LIPJ: variants seen among roughly 807,000 people sequenced by gnomAD.
LIPJ encodes the protein lipase member J.
Under a neutral mutation model 39.8 loss-of-function variants are expected in LIPJ, and 33 were observed. The observed-to-expected ratio is 0.83, with a 90% CI of 0.63 to 1.11. The LOEUF is 1.11. Ranked by LOEUF, LIPJ falls within the 50% of genes least tolerant of loss-of-function variation. The pLI is 0.00. For missense variants in LIPJ, 422 were observed against 427.9 expected, an observed-to-expected ratio of 0.99 and a Z score of 0.12; for synonymous variants, 128 against 139.2, an observed-to-expected ratio of 0.92 and a Z score of 0.57.
At chr10:88,607,036 T>A (rs1354960859), downstream of LIPJ, 3 of 1,038,732 alleles carry the variant, frequency 2.9e-6, no homozygotes, top group Middle Eastern at 3.4e-4. Flanking sequence ...TATATTCTCA[T>A]TGACCTTAGG....
At chr10:88,607,819 T>A (rs74339594), downstream of LIPJ, among the ~76,000 whole-genome samples, 103 of 152,346 alleles carry the variant, frequency 6.8e-4, no homozygotes, top group East Asian at 0.017. Context: ...GTTTCCAGTT[T>A]ATCACATAAG....
upstream of LIPJ, chr10:88,583,502 G>T: frequency 8.2e-7 from 1 of 1,216,522 alleles, no homozygotes. Context: ...CTATTGTTGG[G>T]AGAACCCGCC....
At chr10:88,603,769 G>C (rs1272532251) in intron 9 of LIPJ, among the ~76,000 whole-genome samples, 1 of 151,862 alleles carries the variant, frequency 6.6e-6, no homozygotes. Flanking sequence ...TAAGATATTG[G>C]GTAAGGCTTT....
At chr10:88,583,578 A>C, upstream of LIPJ, 1 of 1,010,944 alleles carries the variant, frequency 9.9e-7, no homozygotes, top group Non-Finnish European at 1.2e-6. Context: ...GATAACTCTC[A>C]TGCCTGTTGG....
the LIPJ span, among the ~76,000 whole-genome samples, chr10:88,616,468 C>A: frequency 6.6e-6 from 1 of 152,208 alleles, no homozygotes; most frequent in Non-Finnish European, 1.5e-5. Flanking sequence ...GCTGTGCAAA[C>A]GCCAGGTCGA....
intron 4 of LIPJ, chr10:88,593,729 A>G: frequency 1.2e-5 from 5 of 420,896 alleles, no homozygotes; most frequent in Non-Finnish European, 1.7e-5. Flanking sequence ...GATGTGACCT[A>G]ATTGCTCACT....
chr10:88,607,092 G>T (rs115744738), downstream of LIPJ: 2,726 of 477,466 alleles, frequency 5.7e-3, 76 homozygotes, highest in African/African-American at 0.049. Flanking sequence ...CAGGGGAAAT[G>T]GCAGATTATA....
rs551075865 is a variant in LIPJ at position 88,589,956 on chromosome 10, A to C, written c.-103-629A>C. Among the ~76,000 whole-genome samples the C allele has an allele frequency of 7.2e-5, 11 of 151,778 alleles. No individual in the cohort carries two copies. In the East Asian group the frequency reaches 2.1e-3, roughly 29 times the overall value. ...CCTTGAATCATGTCCTTCTGAGTATAGTGGTTGGCTTATTATACAAGGCTC... is the reference window on the plus strand; with the variant it reads ...CCTTGAATCATGTCCTTCTGAGTATCGTGGTTGGCTTATTATACAAGGCTC... On this transcript the variant is annotated intron_variant, in intron 2 of 10. Transcript: ENST00000371939.
chr10:88,619,453 C>CCACACACACACA, the LIPJ span, among the ~76,000 whole-genome samples: 494 of 146,794 alleles, frequency 3.4e-3, 4 homozygotes, highest in African/African-American at 7.0e-3. Flanking sequence ...CCCCCTCTTG[C>CCACACACACACA]CACACACACA....
rs77478971 is a variant in LIPJ, at chr10:88,603,322, G to A, written c.795+675G>A. ...GTTATCCTAATGCCTACTCTGAAACGCTTTCACTAGACTGCACTTTCTCCT... is the reference window on the plus strand; with the variant it reads ...GTTATCCTAATGCCTACTCTGAAACACTTTCACTAGACTGCACTTTCTCCT... On this transcript the variant is annotated intron_variant, in intron 9 of 10. Coordinates refer to ENST00000371939, the Ensembl canonical transcript of LIPJ. 4.6e-3 allele frequency among the ~76,000 whole-genome samples: 704 copies of A among 152,144 alleles called. 5 individuals carry two copies. Among genetic ancestry groups the A allele is most frequent in the African/African-American group, 0.016 (681 of 41,518 alleles).
the LIPJ span, among the ~76,000 whole-genome samples, chr10:88,622,305 A>G: frequency 7.9e-5 from 12 of 152,148 alleles, no homozygotes; most frequent in Admixed American, 5.9e-4. Context: ...GTTTCCTTAC[A>G]GATTTTACCG....
At chr10:88,590,876 ATGTGT>A (rs1851054967) in intron 3 of LIPJ, among the ~76,000 whole-genome samples, 180 bp downstream of exon 3, 2 of 151,810 alleles carry the variant, frequency 1.3e-5, no homozygotes, top group Admixed American at 6.6e-5. Context: ...GTAATGAAAA[ATGTGT>A]AACTATATTC....
downstream of LIPJ, among the ~76,000 whole-genome samples, chr10:88,608,410 A>C (rs1180605085): frequency 6.6e-6 from 1 of 152,216 alleles, no homozygotes; most frequent in Non-Finnish European, 1.5e-5. Flanking sequence ...TGTGAACCTC[A>C]AATTAGTCTA....
upstream of LIPJ, chr10:88,585,779 A>G (rs531880252): frequency 6.6e-6 from 1 of 152,284 alleles, no homozygotes; most frequent in Admixed American, 6.5e-5. Context: ...CTTTCTAACT[A>G]GTCTTCCTAC....
intron 10 of LIPJ, 60 bp from the exon 11 acceptor site, chr10:88,606,614 T>C: frequency 1.0e-6 from 1 of 989,330 alleles, no homozygotes; most frequent in Non-Finnish European, 1.5e-6. Context: ...CAATTAGTAA[T>C]TAAAACCTTC....
At chr10:88,591,719 G>T in intron 4 of LIPJ, 1 of 300,516 alleles carries the variant, frequency 3.3e-6, no homozygotes, top group Non-Finnish European at 6.1e-6. Flanking sequence ...TTCTTCCCAG[G>T]TTTCCTTTGT....
chr10:88,596,744 C>T, intron 7 of LIPJ, 46 bp from the exon 8 acceptor site: 1 of 1,476,872 alleles, frequency 6.8e-7, no homozygotes. Flanking sequence ...TTCTTTAGCA[C>T]TTATTGTGGT....
chr10:88,592,678 A>G (rs1377497974), intron 4 of LIPJ: 1 of 151,926 alleles, frequency 6.6e-6, no homozygotes, highest in Non-Finnish European at 1.5e-5. Context: ...TACCCCTAGA[A>G]GGAGGTGTGA....
downstream of LIPJ, among the ~76,000 whole-genome samples, chr10:88,607,772 C>A (rs1428694100): frequency 6.6e-6 from 1 of 152,170 alleles, no homozygotes; most frequent in African/African-American, 2.4e-5. Flanking sequence ...AGGAGATGTA[C>A]ACTAAACTCT....
Sources: gnomAD v4.1 joint callset for allele counts (sites outside exome capture counted in the v4.1 genomes callset) on GRCh38, gnomAD v4.1.1 for gene constraint, MANE v1.5 for transcripts, NCBI Gene and HGNC (gene_info 2026-07-23, HGNC 2026-07-21) for gene names.